The following GAL3ST2 variants were observed in gnomAD, a reference collection of about 807,000 sequenced individuals.
GAL3ST2 encodes the protein galactose-3-O-sulfotransferase 2.
Under a neutral mutation model 12.9 loss-of-function variants are expected in GAL3ST2, and 16 were observed. That is an observed-to-expected ratio of 1.24 (90% CI 0.84 to 1.88). The LOEUF (loss-of-function observed/expected upper bound fraction) is 1.88. Among genes scored for constraint, GAL3ST2 ranks in the 40% most tolerant of loss-of-function variants. The pLI, the probability that GAL3ST2 is intolerant of heterozygous loss-of-function variation, is 0.00. For synonymous variants in GAL3ST2, 302 were observed against 273.9 expected, an observed-to-expected ratio of 1.10 and a Z score of -1.01; for missense variants, 639 against 571.8, an observed-to-expected ratio of 1.12 and a Z score of -1.20.
Position 241,799,045 on chromosome 2 carries a change from A to G in GAL3ST2, c.30-20A>G, listed in dbSNP as rs566447730. On this transcript the variant is annotated intron_variant, in intron 1 of 3. Coordinates refer to ENST00000192314, the MANE Select transcript of GAL3ST2 (RefSeq NM_022134.3). The stretch of plus-strand genomic sequence containing the variant: ...CTGGCACGACCCGGACTGGGCACTC[A>G]TGGCCTGCCCTTTCCACAGATACTT... 8 of 1,600,036 alleles carry G rather than the reference A, an allele frequency of 5.0e-6. No individual in the cohort carries two copies. Among genetic ancestry groups the G allele is most frequent in the Middle Eastern group, 1.7e-4 (1 of 6,036 alleles).
intron 1 of GAL3ST2, among the ~76,000 whole-genome samples, chr2:241,781,877 T>G (rs1324818538): frequency 0.13 from 16,025 of 118,816 alleles, no homozygotes; most frequent in African/African-American, 0.27. Flanking sequence ...TAAAACACTT[T>G]ATATCACAAA....
intron 1 of GAL3ST2, among the ~76,000 whole-genome samples, chr2:241,777,699 C>T (rs1477535906): frequency 1.3e-5 from 2 of 152,214 alleles, no homozygotes; most frequent in Admixed American, 1.3e-4. Context: ...TGCCAGGACA[C>T]TGGCTGAGGA....
intron 1 of GAL3ST2, among the ~76,000 whole-genome samples, chr2:241,798,385 C>T (rs2125195827): frequency 6.6e-6 from 1 of 152,366 alleles, no homozygotes; most frequent in Non-Finnish European, 1.5e-5. Context: ...CTCGAGCCAG[C>T]ATGGCGGGTT....
At chr2:241,780,843 T>C (rs1699557525) in intron 1 of GAL3ST2, among the ~76,000 whole-genome samples, 1 of 152,130 alleles carries the variant, frequency 6.6e-6, no homozygotes, top group South Asian at 2.1e-4. Context: ...TGTCAGAAAG[T>C]GATATTCTTT....
Position 241,801,506 on chromosome 2 carries a change from GTTTTA to G in GAL3ST2, c.120-270_120-266del, listed in dbSNP as rs1231138834. 1.8e-6 allele frequency: 1 copy of G among 546,984 alleles called. No individual in the cohort carries two copies. The highest frequency in any genetic ancestry group is 3.2e-6 in the Non-Finnish European group (1 of 310,702). The allele number at this position is 546,984 out of a possible 1,614,324, so 33.9% of individuals were successfully genotyped here. A position where few individuals can be genotyped will look rare whatever the true frequency, so the allele number is the denominator to read the frequency against. On this transcript the variant is annotated intron_variant, in intron 2 of 3. Coordinates refer to ENST00000192314, the MANE Select transcript of GAL3ST2 (RefSeq NM_022134.3). This position sits in a 1 kb window ranked among gnomAD's most constrained non-coding sequence, Gnocchi z 4.4. ...TTGGCCAAGATGGGGTTCATTTAGG[GTTTTA>G]TTTTTAGTTCTCGGGGGCACAGGGT...
intron 1 of GAL3ST2, among the ~76,000 whole-genome samples, chr2:241,785,275 C>T (rs563481232): frequency 3.2e-4 from 48 of 152,086 alleles, no homozygotes; most frequent in African/African-American, 8.4e-4. Flanking sequence ...AGACAGCCCA[C>T]GTGTGGTGGC....
At chr2:241,783,663 ATT>A (rs1699592121) in intron 1 of GAL3ST2, among the ~76,000 whole-genome samples, 1 of 152,202 alleles carries the variant, frequency 6.6e-6, no homozygotes, top group African/African-American at 2.4e-5. Flanking sequence ...ATTCTAATAC[ATT>A]TACCTAATTA....
At chr2:241,796,393 C>G (rs1483630022) in intron 1 of GAL3ST2, among the ~76,000 whole-genome samples, 1 of 152,144 alleles carries the variant, frequency 6.6e-6, no homozygotes, top group Admixed American at 6.5e-5. Context: ...ACGTACAAAG[C>G]AGGCTCGGAG....
intron 1 of GAL3ST2, among the ~76,000 whole-genome samples, chr2:241,791,078 TG>T (rs1699687990): frequency 6.6e-6 from 1 of 152,242 alleles, no homozygotes; most frequent in Non-Finnish European, 1.5e-5. Context: ...TGATGTCTCA[TG>T]TCTCCCTAAA....
chr2:241,786,081 A>G (rs1699623684), intron 1 of GAL3ST2, among the ~76,000 whole-genome samples: 1 of 152,070 alleles, frequency 6.6e-6, no homozygotes, highest in Non-Finnish European at 1.5e-5. Flanking sequence ...TCAAAATAAA[A>G]AATATTTCCT....
Position 241,803,972 on chromosome 2 carries a change from A to G in GAL3ST2, c.1003A>G (p.Arg335Gly), listed in dbSNP as rs754983719. The change falls in exon 4 of 4, where the codon AGA (arginine) becomes GGA (glycine). Residue 335 changes from arginine (R) to glycine (G), a missense_variant. Physicochemically the swap from Arg to Gly is moderately radical, Grantham distance 125. Transcript: ENST00000192314. ...CGCGCTCAAGAACCACACGCAGATCAGAGACCCGCGCCTGCGCCCCTACCA... is the reference window on the plus strand; with the variant it reads ...CGCGCTCAAGAACCACACGCAGATCGGAGACCCGCGCCTGCGCCCCTACCA... Reference protein sequence around the residue: ...GGALKNHTQIRDPRLRPYQSG... With the variant: ...GGALKNHTQIGDPRLRPYQSG... 5 of 1,539,536 alleles carry G rather than the reference A, an allele frequency of 3.2e-6. No homozygotes were observed. In the South Asian group the frequency reaches 3.7e-5, roughly 11 times the overall value.
chr2:241,788,507 G>T (rs1275822662), intron 1 of GAL3ST2, among the ~76,000 whole-genome samples: 1 of 150,326 alleles, frequency 6.7e-6, no homozygotes, highest in Non-Finnish European at 1.5e-5. Context: ...AGTTTGGTTT[G>T]TCTGTGTGCA....
At chr2:241,785,072 C>A (rs1170511970) in intron 1 of GAL3ST2, among the ~76,000 whole-genome samples, 1 of 151,900 alleles carries the variant, frequency 6.6e-6, no homozygotes, top group African/African-American at 2.4e-5. Context: ...CCTGGGTTTC[C>A]AAAAAGGGAG....
intron 1 of GAL3ST2, among the ~76,000 whole-genome samples, chr2:241,797,364 T>G (rs1176356570): frequency 6.6e-6 from 1 of 152,244 alleles, no homozygotes; most frequent in African/African-American, 2.4e-5. Flanking sequence ...CGTGACTGTT[T>G]AGAATTTTTC....
chr2:241,786,571 AGCAG>A (rs1699631353), intron 1 of GAL3ST2, among the ~76,000 whole-genome samples: 1 of 152,210 alleles, frequency 6.6e-6, no homozygotes, highest in South Asian at 2.1e-4. Flanking sequence ...TCGTCATGGA[AGCAG>A]GAGAACTGGC....
Position 241,795,076 on chromosome 2 carries a change from A to C in GAL3ST2, c.30-3989A>C, listed in dbSNP as rs1329116776. Among the ~76,000 whole-genome samples the C allele has an allele frequency of 1.3e-5, 2 of 152,008 alleles. No homozygotes were observed. Among genetic ancestry groups the C allele is most frequent in the Non-Finnish European group, 1.5e-5 (1 of 67,994 alleles). On this transcript the variant is annotated intron_variant, in intron 1 of 3. Transcript: ENST00000192314. This position sits in a 1 kb window ranked among gnomAD's most constrained non-coding sequence, Gnocchi z 4.5. ...TAACAATGTGTAACTCCTGCGTGTA[A>C]GGACAGAAACACCATCTCTCTGCTT...
rs926440079 is a variant in GAL3ST2, at chr2:241,800,205, C to T, written c.119+1051C>T. Among the ~76,000 whole-genome samples, 43 of 151,956 alleles carry T rather than the reference C, an allele frequency of 2.8e-4. No homozygotes were observed. Among genetic ancestry groups the T allele is most frequent in the African/African-American group, 9.7e-4 (40 of 41,346 alleles). On this transcript the variant is annotated intron_variant, in intron 2 of 3. Transcript: ENST00000192314. This position sits in a 1 kb window ranked among gnomAD's most constrained non-coding sequence, Gnocchi z 5.2. ...GCAGTGATGGGTCTGGTGGGGGTTC[C>T]AGGGTTGGGGGTGTCAACTGAAGAA...
At chr2:241,792,404 C>G (rs1479589500) in intron 1 of GAL3ST2, among the ~76,000 whole-genome samples, 1 of 151,874 alleles carries the variant, frequency 6.6e-6, no homozygotes, top group Non-Finnish European at 1.5e-5. Context: ...AAACTGAAGC[C>G]AGACAACTTA....
chr2:241,799,370 G>A (rs550986085), intron 2 of GAL3ST2, among the ~76,000 whole-genome samples: 95 of 152,336 alleles, frequency 6.2e-4, no homozygotes, highest in African/African-American at 2.1e-3. Flanking sequence ...AGCAGGGGCC[G>A]GGTCTGGGTT....
Sources: gnomAD v4.1 joint callset for allele counts (sites outside exome capture counted in the v4.1 genomes callset) on GRCh38, gnomAD v4.1.1 for gene constraint, Gnocchi (gnomAD v3.1) non-coding constraint, MANE v1.5 for transcripts, NCBI Gene and HGNC (gene_info 2026-07-23, HGNC 2026-07-21) for gene names.